Variants in GRM7 observed in about 807,000 individuals in gnomAD.
GRM7 encodes the protein metabotropic glutamate receptor 7.
Under a neutral mutation model 84.5 loss-of-function variants are expected in GRM7, and 35 were observed. The observed-to-expected ratio is 0.41, with a 90% CI of 0.32 to 0.55. The LOEUF is 0.55. Among genes scored for constraint, GRM7 ranks in the 20% least tolerant of loss-of-function variants. GRM7 has a pLI of 0.19. For missense variants in GRM7, 1,003 were observed against 1,194.6 expected, an observed-to-expected ratio of 0.84 and a Z score of 2.36; for synonymous variants, 487 against 455.1, an observed-to-expected ratio of 1.07 and a Z score of -0.89.
chr3:7,116,928 C>G (rs1205523509), intron 1 of GRM7, among the ~76,000 whole-genome samples: 1 of 152,208 alleles, frequency 6.6e-6, no homozygotes, highest in East Asian at 1.9e-4. Context: ...CAATATTTGA[C>G]CACTTAATGT....
At chr3:7,128,315 T>A (rs1456499681) in intron 1 of GRM7, among the ~76,000 whole-genome samples, 1 of 151,774 alleles carries the variant, frequency 6.6e-6, no homozygotes, top group Non-Finnish European at 1.5e-5. Context: ...TTTCTATGCA[T>A]GAATATAAAC....
At chr3:6,883,240 T>A (rs759800333) in intron 1 of GRM7, among the ~76,000 whole-genome samples, 1 of 152,172 alleles carries the variant, frequency 6.6e-6, no homozygotes, top group East Asian at 1.9e-4. Flanking sequence ...TATGCATTTA[T>A]TCACATTGAT....
At chr3:7,212,116 T>G (rs1696450418) in intron 2 of GRM7, among the ~76,000 whole-genome samples, 1 of 151,986 alleles carries the variant, frequency 6.6e-6, no homozygotes, top group African/African-American at 2.4e-5. Flanking sequence ...ACCACATTCA[T>G]ATGTCAAAAA....
At chr3:7,295,885 A>G (rs1200070701) in intron 2 of GRM7, among the ~76,000 whole-genome samples, 4 of 152,110 alleles carry the variant, frequency 2.6e-5, no homozygotes, top group East Asian at 1.9e-4. Flanking sequence ...TTCCTTTGAA[A>G]CATGTATATA....
chr3:7,384,725 G>T (rs767756843), intron 4 of GRM7, among the ~76,000 whole-genome samples: 2 of 152,080 alleles, frequency 1.3e-5, no homozygotes, highest in Non-Finnish European at 2.9e-5. Context: ...ACACGGGGCT[G>T]GTGGCTATCA....
intron 8 of GRM7, among the ~76,000 whole-genome samples, chr3:7,606,438 T>G (rs1191175061): frequency 2.0e-5 from 3 of 152,216 alleles, no homozygotes; most frequent in African/African-American, 7.2e-5. Flanking sequence ...ATTTGGACTG[T>G]TAAGATATGA....
intron 7 of GRM7, among the ~76,000 whole-genome samples, chr3:7,575,848 G>A (rs1694936400): frequency 1.3e-5 from 2 of 151,774 alleles, no homozygotes; most frequent in African/African-American, 4.9e-5. Flanking sequence ...TATATATTTG[G>A]ATAAGTTAAG....
intron 1 of GRM7, among the ~76,000 whole-genome samples, chr3:7,113,017 C>A (rs961514406): frequency 5.9e-5 from 9 of 151,986 alleles, no homozygotes; most frequent in African/African-American, 2.2e-4. Flanking sequence ...GATGAAAACT[C>A]TGTAGGAAAA....
intron 2 of GRM7, among the ~76,000 whole-genome samples, chr3:7,165,197 G>A (rs1197931387): frequency 3.3e-5 from 5 of 152,136 alleles, no homozygotes; most frequent in South Asian, 4.1e-4. Flanking sequence ...CTCTGTTTCT[G>A]GTTAACCACC....
At chr3:7,605,286 A>G (rs1696510333) in intron 8 of GRM7, among the ~76,000 whole-genome samples, 1 of 152,182 alleles carries the variant, frequency 6.6e-6, no homozygotes, top group South Asian at 2.1e-4. Flanking sequence ...ATTATTGGCA[A>G]TTTGCAAATG....
chr3:6,889,496 G>T (rs1347861879), intron 1 of GRM7, among the ~76,000 whole-genome samples: 1 of 151,738 alleles, frequency 6.6e-6, no homozygotes, highest in Non-Finnish European at 1.5e-5. Flanking sequence ...TAATCATGTG[G>T]TTTTTGTCTT....
intron 2 of GRM7, among the ~76,000 whole-genome samples, chr3:7,210,977 G>C (rs1453388850): frequency 6.6e-6 from 1 of 152,136 alleles, no homozygotes; most frequent in African/African-American, 2.4e-5. Flanking sequence ...GTGGTGCTAA[G>C]TCATAGGAAG....
At chr3:7,324,792 A>G (rs1700921208) in intron 4 of GRM7, among the ~76,000 whole-genome samples, 1 of 152,070 alleles carries the variant, frequency 6.6e-6, no homozygotes, top group African/African-American at 2.4e-5. Context: ...AATCCTTGAC[A>G]AAGTGTTGAG....
At chr3:7,343,055 C>T (rs1293924925) in intron 4 of GRM7, among the ~76,000 whole-genome samples, 2 of 152,064 alleles carry the variant, frequency 1.3e-5, no homozygotes, top group Admixed American at 6.6e-5. Flanking sequence ...ACTAATATTG[C>T]TTATTATTGA....
intron 7 of GRM7, among the ~76,000 whole-genome samples, chr3:7,563,901 A>G (rs531341050): frequency 6.6e-6 from 1 of 152,288 alleles, no homozygotes; most frequent in East Asian, 1.9e-4. Context: ...AGGAAACACC[A>G]CTGATGTGGT....
intron 1 of GRM7, among the ~76,000 whole-genome samples, chr3:7,088,870 G>C (rs1231501644): frequency 3.4e-4 from 51 of 151,662 alleles, no homozygotes; most frequent in Non-Finnish European, 1.0e-4. Flanking sequence ...TTTCTAAATA[G>C]TCTAAACTGA....
At position 7,024,065 on chromosome 3, in the gene GRM7, A is replaced by G. The variant is rs368842991; in HGVS notation, c.520-122387A>G. ...ACTCCCTTACAGGACAACTCGGTTC[A>G]AGTGGCTCCGGTAACTTCTCTTTTT... On this transcript the variant is annotated intron_variant, in intron 1 of 9. Transcript: ENST00000357716. 2.6e-5 allele frequency among the ~76,000 whole-genome samples: 4 copies of G among 152,266 alleles called. No homozygotes were observed. The East Asian group carries it at 5.8e-4, about 22-fold the overall frequency.
chr3:7,517,379 TAG>T (rs1700431294), intron 7 of GRM7, among the ~76,000 whole-genome samples: 1 of 151,310 alleles, frequency 6.6e-6, no homozygotes, highest in African/African-American at 2.4e-5. Context: ...TTAGTAGTAG[TAG>T]TAGTATTAGT....
At chr3:6,874,317 A>G (rs973600317) in intron 1 of GRM7, among the ~76,000 whole-genome samples, 1 of 152,276 alleles carries the variant, frequency 6.6e-6, no homozygotes, top group Middle Eastern at 3.4e-3. Context: ...CTTTGGGACA[A>G]CCAGTTTACA....
Sources: allele counts gnomAD v4.1 joint callset (sites outside exome capture counted in the v4.1 genomes callset), GRCh38; gene constraint gnomAD v4.1.1; transcripts MANE v1.5; gene names NCBI Gene and HGNC (gene_info 2026-07-23, HGNC 2026-07-21).